The following PRDM16 variants were observed in gnomAD, a reference collection of about 807,000 sequenced individuals.
PRDM16 encodes the protein PR/SET domain 16.
PRDM16 carries 23 observed loss-of-function variants against 110.6 expected under a neutral mutation model. The ratio of observed to expected loss-of-function variants is 0.21; its 90% CI spans 0.15 to 0.29. The LOEUF is 0.29. Among genes scored for constraint, PRDM16 ranks in the 10% least tolerant of loss-of-function variants. PRDM16 has a pLI of 1.00. For missense variants in PRDM16, 1,615 were observed against 1,794.3 expected (o/e 0.90, Z 1.81); for synonymous variants, 799 against 781.8 (o/e 1.02, Z -0.37).
rs974962634 is a variant in PRDM16 at position 3,382,530 on chromosome 1, G to A, written c.439-2622G>A. ...CCTGCCCTGAGTCCTGAACAGCAGG[G>A]TGGCCACAGACTCCCCACCAAAGCG... On this transcript the variant is annotated intron_variant, in intron 3 of 16. Coordinates refer to ENST00000270722, the MANE Select transcript of PRDM16 (RefSeq NM_022114.4). This position sits in a 1 kb window ranked among gnomAD's most constrained non-coding sequence, Gnocchi z 6.6. 1.3e-5 allele frequency among the ~76,000 whole-genome samples: 2 copies of A among 152,212 alleles called. No homozygotes were observed. Among genetic ancestry groups the A allele is most frequent in the African/African-American group, 2.4e-5 (1 of 41,438 alleles).
intron 3 of PRDM16, among the ~76,000 whole-genome samples, chr1:3,322,072 G>A (rs573986455): frequency 3.4e-4 from 52 of 151,676 alleles, no homozygotes; most frequent in African/African-American, 1.2e-3. Context: ...GGGAGTGCAC[G>A]TGTGTGAGGC....
At chr1:3,240,280 G>T (rs1639639320) in intron 2 of PRDM16, among the ~76,000 whole-genome samples, 1 of 151,942 alleles carries the variant, frequency 6.6e-6, no homozygotes, top group Non-Finnish European at 1.5e-5. Flanking sequence ...AGCCGGGATG[G>T]TGGTGTGCTT....
At chr1:3,271,919 G>A (rs969229172) in intron 3 of PRDM16, among the ~76,000 whole-genome samples, 3 of 152,174 alleles carry the variant, frequency 2.0e-5, no homozygotes, top group Non-Finnish European at 2.9e-5. Flanking sequence ...CTGTCTTGCA[G>A]GTAGGATAAG....
At chr1:3,224,650 T>A (rs1182123657) in intron 2 of PRDM16, among the ~76,000 whole-genome samples, 1 of 152,240 alleles carries the variant, frequency 6.6e-6, no homozygotes, top group African/African-American at 2.4e-5. Context: ...TGTTCCCCTC[T>A]GGCCACCTGC....
chr1:3,194,111 G>C (rs1228768429), intron 2 of PRDM16, among the ~76,000 whole-genome samples: 4 of 152,240 alleles, frequency 2.6e-5, no homozygotes, highest in Non-Finnish European at 5.9e-5. Context: ...ACCTGCACCA[G>C]ACCGCCGGGC....
intron 1 of PRDM16, among the ~76,000 whole-genome samples, chr1:3,094,237 G>A (rs1642341409): frequency 6.6e-6 from 1 of 152,232 alleles, no homozygotes; most frequent in Non-Finnish European, 1.5e-5. Flanking sequence ...TGGCACGGGG[G>A]CGCACAGGCA....
chr1:3,304,768 G>C (rs1641276194), intron 3 of PRDM16, among the ~76,000 whole-genome samples: 2 of 152,174 alleles, frequency 1.3e-5, no homozygotes, highest in Non-Finnish European at 1.5e-5. Context: ...CAATGCTCTG[G>C]AATTCTCTAG....
At chr1:3,398,533 C>T (rs1327005722) in intron 5 of PRDM16, among the ~76,000 whole-genome samples, 2 of 152,256 alleles carry the variant, frequency 1.3e-5, no homozygotes, top group Admixed American at 1.3e-4. Flanking sequence ...CCCCTTATCA[C>T]TGCAGGGACT....
chr1:3,113,875 G>A (rs1344640377), intron 1 of PRDM16, among the ~76,000 whole-genome samples: 2 of 152,242 alleles, frequency 1.3e-5, no homozygotes, highest in Non-Finnish European at 2.9e-5. Flanking sequence ...CTCTGGAATC[G>A]AAGGAGTTAG....
intron 3 of PRDM16, among the ~76,000 whole-genome samples, chr1:3,274,299 T>C (rs1640533105): frequency 6.6e-6 from 1 of 152,182 alleles, no homozygotes; most frequent in Admixed American, 6.5e-5. Flanking sequence ...CCTCCATTAA[T>C]CTTGGGTTAA....
At chr1:3,159,190 G>A (rs961093823) in intron 1 of PRDM16, among the ~76,000 whole-genome samples, 6 of 152,352 alleles carry the variant, frequency 3.9e-5, no homozygotes, top group South Asian at 2.1e-4. Context: ...TACACAGGGC[G>A]GCATGAGAAC....
At chr1:3,210,372 T>C (rs1270207950) in intron 2 of PRDM16, among the ~76,000 whole-genome samples, 1 of 152,332 alleles carries the variant, frequency 6.6e-6, no homozygotes, top group Admixed American at 6.5e-5. Flanking sequence ...CTGGAAGGCT[T>C]TCCCCCCTCA....
rs1889124 is a variant in PRDM16 at position 3,402,497 on chromosome 1, A to G, written c.677-294A>G. ...CCGAGCGGGGCCTTCTCCAGCCCAC[A>G]GTGGCTGCCTGAGGCACAGGCAGGG... On this transcript the variant is annotated intron_variant, in intron 5 of 16. Transcript: ENST00000270722. Among the ~76,000 whole-genome samples the G allele has an allele frequency of 0.79, 120,472 of 152,264 alleles. 48,098 individuals carry two copies. Among genetic ancestry groups the G allele is most frequent in the African/African-American group, 0.9 (37,362 of 41,584 alleles).
rs530812860 is a variant in PRDM16, at chr1:3,377,085, C to T, written c.439-8067C>T. Reference sequence around the variant, plus strand: ...TGACCATTGTGTGTGCGCACGTGTGCGCATGTGCCTATGACAGCCCCATAG... The same window carrying T: ...TGACCATTGTGTGTGCGCACGTGTGTGCATGTGCCTATGACAGCCCCATAG... On this transcript the variant is annotated intron_variant, in intron 3 of 16. Transcript: ENST00000270722. 6.6e-5 allele frequency among the ~76,000 whole-genome samples: 10 copies of T among 152,356 alleles called. No individual in the cohort carries two copies. The South Asian group carries it at 8.3e-4, about 13-fold the overall frequency.
At chr1:3,340,729 C>T (rs1199011842) in intron 3 of PRDM16, among the ~76,000 whole-genome samples, 1 of 152,226 alleles carries the variant, frequency 6.6e-6, no homozygotes, top group Non-Finnish European at 1.5e-5. Context: ...TTTCCACTCA[C>T]TGGGGACGTG....
Position 3,331,294 on chromosome 1 carries a change from G to GCC in PRDM16, c.439-53850_439-53849dup, listed in dbSNP as rs151213349. Among the ~76,000 whole-genome samples the GCC allele has an allele frequency of 2.5e-3, 375 of 151,316 alleles. 1 individual carries two copies. The highest frequency in any genetic ancestry group is 0.011 in the East Asian group (56 of 5,048). On this transcript the variant is annotated intron_variant, in intron 3 of 16. Coordinates refer to ENST00000270722, the MANE Select transcript of PRDM16 (RefSeq NM_022114.4). ...CATACTGGGAGTCTGGAGAAAGGCA[G>GCC]CCCCCCCCCGGCACACTTGGAGGTG...
intron 1 of PRDM16, among the ~76,000 whole-genome samples, chr1:3,154,453 C>G (rs1736517): frequency 0.075 from 11,353 of 152,176 alleles, 658 homozygotes; most frequent in East Asian, 0.2. Context: ...GTCAGGACGG[C>G]CAAGGGCTTC....
chr1:3,130,764 C>G (rs896763316), intron 1 of PRDM16, among the ~76,000 whole-genome samples: 2 of 150,598 alleles, frequency 1.3e-5, no homozygotes, highest in African/African-American at 4.9e-5. Context: ...AGCTGCATGG[C>G]CTTTTCCTTG....
intron 5 of PRDM16, among the ~76,000 whole-genome samples, chr1:3,401,751 A>G (rs1330729018): frequency 6.6e-6 from 1 of 152,264 alleles, no homozygotes; most frequent in Non-Finnish European, 1.5e-5. Context: ...ATGCACACAC[A>G]TGCAGACAGA....
Sources: gnomAD v4.1 joint callset for allele counts (sites outside exome capture counted in the v4.1 genomes callset) on GRCh38, gnomAD v4.1.1 for gene constraint, Gnocchi (gnomAD v3.1) non-coding constraint, MANE v1.5 for transcripts, NCBI Gene and HGNC (gene_info 2026-07-23, HGNC 2026-07-21) for gene names.